CD2AP: variants seen among roughly 807,000 people sequenced by gnomAD.
CD2AP encodes the protein CD2-associated protein.
In CD2AP, 46 loss-of-function variants were observed where a neutral mutation model predicts 85.1. That is an observed-to-expected ratio of 0.54 (90% CI 0.43 to 0.69). CD2AP has a LOEUF of 0.69. CD2AP is among the 30% of genes least tolerant of loss of function. The probability of loss-of-function intolerance (pLI) is 0.00; values close to 1 mark genes in which losing one functional copy is unlikely to be tolerated. For missense variants in CD2AP, 769 were observed against 729.5 expected (o/e 1.05, Z -0.62); for synonymous variants, 255 against 252.9 (o/e 1.01, Z -0.08).
chr6:47,599,670 A>G (rs1462326801), intron 13 of CD2AP, among the ~76,000 whole-genome samples: 1 of 152,062 alleles, frequency 6.6e-6, no homozygotes, highest in Non-Finnish European at 1.5e-5. Context: ...TACTGATCAG[A>G]GGACTGAAAT....
intron 3 of CD2AP, among the ~76,000 whole-genome samples, chr6:47,541,896 T>A (rs1427920141): frequency 6.6e-6 from 1 of 152,252 alleles, no homozygotes; most frequent in Admixed American, 6.5e-5. Context: ...CATGATTTGA[T>A]GCAGTGAAAT....
chr6:47,597,022 A>G (rs1266472529), intron 12 of CD2AP, among the ~76,000 whole-genome samples: 1 of 139,186 alleles, frequency 7.2e-6, no homozygotes, highest in African/African-American at 2.5e-5. Context: ...GTAAACAAAG[A>G]TCACAGGCAG....
intron 2 of CD2AP, among the ~76,000 whole-genome samples, chr6:47,517,462 T>A (rs1394959452): frequency 1.3e-5 from 2 of 152,050 alleles, no homozygotes. Flanking sequence ...TAATGTTTTT[T>A]CTATTTTTTG....
At chr6:47,523,141 A>G (rs1183074155) in intron 2 of CD2AP, among the ~76,000 whole-genome samples, 1 of 152,080 alleles carries the variant, frequency 6.6e-6, no homozygotes, top group East Asian at 1.9e-4. Flanking sequence ...TCCAGTATTT[A>G]TAGAAATGTA....
At chr6:47,593,858 C>A (rs1768865204) in intron 11 of CD2AP, among the ~76,000 whole-genome samples, 1 of 152,032 alleles carries the variant, frequency 6.6e-6, no homozygotes, top group Non-Finnish European at 1.5e-5. Context: ...TTCATAGCAG[C>A]ACTATTTACA....
At chr6:47,542,123 CT>C (rs914198882) in intron 3 of CD2AP, among the ~76,000 whole-genome samples, 1 of 152,128 alleles carries the variant, frequency 6.6e-6, no homozygotes, top group Admixed American at 6.6e-5. Context: ...CAAACCTGTC[CT>C]TTCTAATTTT....
chr6:47,512,143 G>A (rs559600312), intron 2 of CD2AP, among the ~76,000 whole-genome samples: 45 of 144,924 alleles, frequency 3.1e-4, no homozygotes, highest in African/African-American at 1.0e-3. Context: ...GGGCAACAGA[G>A]CGAGACTCCG....
intron 2 of CD2AP, among the ~76,000 whole-genome samples, chr6:47,510,982 A>G (rs1245083619): frequency 7.0e-6 from 1 of 142,832 alleles, no homozygotes; most frequent in Non-Finnish European, 1.5e-5. Context: ...CTGAGGTGGG[A>G]GAATTGCTTG....
intron 17 of CD2AP, among the ~76,000 whole-genome samples, chr6:47,618,075 T>G (rs1769643124): frequency 6.6e-6 from 1 of 152,158 alleles, no homozygotes; most frequent in South Asian, 2.1e-4. Context: ...TCCCAGCACT[T>G]TGGAAGGTCA....
intron 1 of CD2AP, among the ~76,000 whole-genome samples, chr6:47,494,551 C>G (rs780125183): frequency 1.3e-5 from 2 of 152,058 alleles, no homozygotes; most frequent in Admixed American, 6.6e-5. Context: ...GGAGTGTAGG[C>G]CTTTGTTACA....
At chr6:47,527,615 C>A (rs1262732406) in intron 2 of CD2AP, among the ~76,000 whole-genome samples, 1 of 152,200 alleles carries the variant, frequency 6.6e-6, no homozygotes, top group African/African-American at 2.4e-5. Flanking sequence ...GAAGAGGCTG[C>A]CCAGTAGAAG....
chr6:47,608,657 A>G (rs980898706), intron 15 of CD2AP, among the ~76,000 whole-genome samples: 5 of 152,008 alleles, frequency 3.3e-5, no homozygotes, highest in East Asian at 1.9e-4. Flanking sequence ...GTGACTTTCT[A>G]TTTTTTTAGT....
intron 3 of CD2AP, among the ~76,000 whole-genome samples, chr6:47,543,095 G>C (rs558395331): frequency 7.2e-6 from 1 of 138,564 alleles, no homozygotes; most frequent in African/African-American, 2.7e-5. Flanking sequence ...AGGTTGCAGC[G>C]AGCTGAGATT....
intron 3 of CD2AP, among the ~76,000 whole-genome samples, chr6:47,538,976 AAATTTTTG>A (rs1767128818): frequency 6.6e-6 from 1 of 152,192 alleles, no homozygotes; most frequent in Non-Finnish European, 1.5e-5. Context: ...AAGTTTTCTG[AAATTTTTG>A]AACTCTTGTG....
chr6:47,501,411 G>C (rs1765993374), intron 1 of CD2AP, among the ~76,000 whole-genome samples: 1 of 152,154 alleles, frequency 6.6e-6, no homozygotes, highest in Non-Finnish European at 1.5e-5. Context: ...TTTTTCAGCT[G>C]ACCTGATTGT....
At chr6:47,559,763 T>C (rs1462047192) in intron 5 of CD2AP, among the ~76,000 whole-genome samples, 1 of 152,192 alleles carries the variant, frequency 6.6e-6, no homozygotes, top group Non-Finnish European at 1.5e-5. Flanking sequence ...TGTACATGAA[T>C]GATTCATGCA....
At chr6:47,538,575 A>G (rs556156160) in intron 3 of CD2AP, among the ~76,000 whole-genome samples, 1 of 152,336 alleles carries the variant, frequency 6.6e-6, no homozygotes, top group Non-Finnish European at 1.5e-5. Flanking sequence ...AAAATTGACT[A>G]ATTAAATAAA....
chr6:47,614,099 T>C (rs1769519336), intron 17 of CD2AP, among the ~76,000 whole-genome samples: 1 of 152,244 alleles, frequency 6.6e-6, no homozygotes, highest in South Asian at 2.1e-4. Context: ...ATCTGCTATC[T>C]AGACCACTCA....
chr6:47,558,618 TTA>T (rs2114069897), intron 5 of CD2AP, among the ~76,000 whole-genome samples: 1 of 152,314 alleles, frequency 6.6e-6, no homozygotes, highest in Admixed American at 6.5e-5. Context: ...ATGTGATGGA[TTA>T]TGTTTATTGA....
Sources: gnomAD v4.1 joint callset for allele counts (sites outside exome capture counted in the v4.1 genomes callset) on GRCh38, gnomAD v4.1.1 for gene constraint, MANE v1.5 for transcripts, NCBI Gene and HGNC (gene_info 2026-07-23, HGNC 2026-07-21) for gene names.